NRP1: variants seen among roughly 807,000 people sequenced by gnomAD.
NRP1 encodes neuropilin 1.
Under a neutral mutation model 106.7 loss-of-function variants are expected in NRP1, and 35 were observed. The ratio of observed to expected loss-of-function variants is 0.33; its 90% CI spans 0.25 to 0.43. The LOEUF is 0.43. Ranked by LOEUF, NRP1 falls within the 20% of genes least tolerant of loss-of-function variation. NRP1 has a pLI of 1.00. For missense variants in NRP1, 1,024 were observed against 1,170.4 expected (o/e 0.87, Z 1.83); for synonymous variants, 437 against 417.9 (o/e 1.05, Z -0.56).
chr10:33,213,750 T>G (rs764365231), intron 8 of NRP1, 33 bp from the exon 9 acceptor site: 1 of 1,496,340 alleles, frequency 6.7e-7, no homozygotes, highest in Non-Finnish European at 9.0e-7. Flanking sequence ...TAATGTAAAA[T>G]GATTTCCTGG....
Position 33,249,084 on chromosome 10 carries a change from G to GTTTTTTTTTTTTT in NRP1, c.981+4931_981+4943dup, listed in dbSNP as rs750905931. On this transcript the variant is annotated intron_variant, in intron 6 of 16. Coordinates refer to ENST00000374867, the MANE Select transcript of NRP1 (RefSeq NM_003873.7). ...ATCCCACCCAGGTATTATGTCTCTT[G>GTTTTTTTTTTTTT]TTTTTTTTTTTTTTTTTTTTTTTTG... Among the ~76,000 whole-genome samples the GTTTTTTTTTTTTT allele has an allele frequency of 6.4e-4, 46 of 72,202 alleles. 1 individual carries two copies. The highest frequency in any genetic ancestry group is 9.8e-4 in the African/African-American group (17 of 17,358). The allele number at this position is 72,202 out of a possible 152,430, so 47.4% of individuals were successfully genotyped here.
intron 1 of NRP1, 110 bp downstream of exon 1, chr10:33,334,200 G>T: frequency 2.2e-6 from 2 of 928,862 alleles, no homozygotes; most frequent in Non-Finnish European, 3.2e-6. Flanking sequence ...CTTCGCCCGG[G>T]AGTCGGTTGT....
intron 7 of NRP1, among the ~76,000 whole-genome samples, chr10:33,223,657 C>T (rs897003807): frequency 2.6e-5 from 4 of 152,116 alleles, no homozygotes; most frequent in Admixed American, 2.6e-4. Flanking sequence ...CAGTTTTTAG[C>T]CTGATCTCTC....
In NRP1 at chr10:33,179,995, T is replaced by G. The variant is rs1488365527; in HGVS notation, c.*81A>C. 7.0e-7 allele frequency: 1 copy of G among 1,423,388 alleles called. No homozygotes were observed. Among genetic ancestry groups the G allele is most frequent in the South Asian group, 1.3e-5 (1 of 77,888 alleles). The allele number at this position is 1,423,388 out of a possible 1,614,324, so 88.2% of individuals were successfully genotyped here. ...TCATCAACACACTTCCCAGCCTGTA[T>G]AGTGAAAGATCAACAGCTCCCCAGC... On this transcript the variant is annotated 3_prime_UTR_variant, in exon 17 of 17. Transcript: ENST00000374867.
intron 8 of NRP1, among the ~76,000 whole-genome samples, chr10:33,216,393 C>G (rs1447382942): frequency 6.6e-6 from 1 of 152,072 alleles, no homozygotes; most frequent in Non-Finnish European, 1.5e-5. Context: ...CTCGGCCTCC[C>G]AAAGTGCTGG....
chr10:33,249,266 C>G (rs559924986), intron 6 of NRP1: 3 of 297,814 alleles, frequency 1.0e-5, no homozygotes, highest in Non-Finnish European at 2.0e-5. Context: ...TTCTGCTTTG[C>G]GTGTCAATGG....
intron 2 of NRP1, among the ~76,000 whole-genome samples, chr10:33,295,854 C>T (rs1429304235): frequency 6.6e-6 from 1 of 152,156 alleles, no homozygotes; most frequent in Non-Finnish European, 1.5e-5. Context: ...GCTAAAAGGG[C>T]TGCCTATTAT....
intron 6 of NRP1, among the ~76,000 whole-genome samples, chr10:33,240,551 A>C (rs1409716254): frequency 1.3e-5 from 2 of 152,188 alleles, no homozygotes; most frequent in Non-Finnish European, 2.9e-5. Context: ...CTTGCAGATG[A>C]GGGTGATGGT....
chr10:33,203,072 C>A, intron 10 of NRP1, 77 bp from the exon 11 acceptor site: 2 of 1,448,736 alleles, frequency 1.4e-6, no homozygotes, highest in Non-Finnish European at 1.9e-6. Flanking sequence ...GATCTGCTAA[C>A]GCTTATGCAG....
intron 6 of NRP1, among the ~76,000 whole-genome samples, chr10:33,244,737 T>TA (rs914596365): frequency 4.6e-5 from 7 of 151,924 alleles, no homozygotes; most frequent in African/African-American, 7.3e-5. Context: ...ATATTTGAAT[T>TA]AAAAAAAATA....
chr10:33,309,855 C>T (rs1404027513), intron 2 of NRP1, among the ~76,000 whole-genome samples: 2 of 152,212 alleles, frequency 1.3e-5, no homozygotes, highest in Admixed American at 1.3e-4. Flanking sequence ...GCCCAGTTTC[C>T]CGTTTCTCAA....
intron 2 of NRP1, among the ~76,000 whole-genome samples, chr10:33,317,700 A>AT (rs770551666): frequency 3.9e-5 from 6 of 152,064 alleles, no homozygotes; most frequent in Non-Finnish European, 7.4e-5. Context: ...TGAAAGAATA[A>AT]TTTTTTTAAG....
chr10:33,230,772 G>C (rs995438855), intron 6 of NRP1, among the ~76,000 whole-genome samples: 1 of 151,920 alleles, frequency 6.6e-6, no homozygotes, highest in South Asian at 2.1e-4. Context: ...CTATTTCTTT[G>C]GTTTTTCATT....
At chr10:33,227,512 G>T (rs1027257965) in intron 6 of NRP1, among the ~76,000 whole-genome samples, 6 of 152,190 alleles carry the variant, frequency 3.9e-5, no homozygotes, top group Non-Finnish European at 8.8e-5. Flanking sequence ...TCTCCTTGCA[G>T]CTCAGTTTGA....
chr10:33,286,037 T>C (rs2132589298), intron 2 of NRP1, among the ~76,000 whole-genome samples: 1 of 152,330 alleles, frequency 6.6e-6, no homozygotes, highest in East Asian at 1.9e-4. Flanking sequence ...CCATTGATCC[T>C]AAGACTGCAT....
At chr10:33,333,935 G>A (rs985438750) in intron 1 of NRP1, among the ~76,000 whole-genome samples, 1 of 152,182 alleles carries the variant, frequency 6.6e-6, no homozygotes, top group Non-Finnish European at 1.5e-5. Context: ...AGATCTCCTG[G>A]TAAAGTGTTC....
chr10:33,232,908 A>T (rs146940984), intron 6 of NRP1, among the ~76,000 whole-genome samples: 2,686 of 152,142 alleles, frequency 0.018, 47 homozygotes, highest in Admixed American at 0.034. Flanking sequence ...TTGGCCTCCC[A>T]AAATGCTGGG....
At chr10:33,239,336 C>T (rs1365350105) in intron 6 of NRP1, among the ~76,000 whole-genome samples, 4 of 152,026 alleles carry the variant, frequency 2.6e-5, no homozygotes, top group African/African-American at 9.7e-5. Context: ...CCTATTTTCA[C>T]ATATAGTGCC....
chr10:33,324,264 G>A (rs1048282967), intron 2 of NRP1, among the ~76,000 whole-genome samples: 1 of 152,120 alleles, frequency 6.6e-6, no homozygotes, highest in African/African-American at 2.4e-5. Flanking sequence ...TGCTGCAAGT[G>A]GTAGTAACAA....
Sources: allele counts gnomAD v4.1 joint callset (sites outside exome capture counted in the v4.1 genomes callset), GRCh38; gene constraint gnomAD v4.1.1; transcripts MANE v1.5; gene names NCBI Gene and HGNC (gene_info 2026-07-23, HGNC 2026-07-21).